MACROD2: variants seen among roughly 807,000 people sequenced by gnomAD.
MACROD2 encodes mono-ADP ribosylhydrolase 2.
In MACROD2, 36 loss-of-function variants were observed where a neutral mutation model predicts 70.4. The observed-to-expected ratio is 0.51, with a 90% confidence interval of 0.39 to 0.68. The LOEUF (loss-of-function observed/expected upper bound fraction) is 0.68. Ranked by LOEUF, MACROD2 falls within the 30% of genes least tolerant of loss-of-function variation. The pLI is 0.00. For synonymous variants in MACROD2, 172 were observed against 178.8 expected (o/e 0.96, Z 0.30); for missense variants, 496 against 538.4 (o/e 0.92, Z 0.78).
At chr20:14,458,709 A>G (rs1247808453) in intron 3 of MACROD2, among the ~76,000 whole-genome samples, 1 of 152,132 alleles carries the variant, frequency 6.6e-6, no homozygotes, top group African/African-American at 2.4e-5. Context: ...ACATACTACT[A>G]AATATAAAAG....
At chr20:14,770,363 A>G (rs996235437) in intron 5 of MACROD2, among the ~76,000 whole-genome samples, 1 of 152,034 alleles carries the variant, frequency 6.6e-6, no homozygotes, top group East Asian at 1.9e-4. Flanking sequence ...ACCATTCTGT[A>G]GGGGGACCAT....
At position 15,057,596 on chromosome 20, in the gene MACROD2, C is replaced by T. The variant is rs189937783; in HGVS notation, c.419-172344C>T. 2.6e-5 allele frequency among the ~76,000 whole-genome samples: 4 copies of T among 152,274 alleles called. No individual in the cohort carries two copies. In the East Asian group the frequency reaches 5.8e-4, roughly 22 times the overall value. On this transcript the variant is annotated intron_variant, in intron 5 of 17. Transcript: ENST00000684519. ...CCCACCTTGCAACCATGACACTAAC[C>T]GTATTGCATTATGTATGTTTATGTA...
At chr20:15,267,474 C>T (rs1023256141) in intron 6 of MACROD2, among the ~76,000 whole-genome samples, 2 of 152,082 alleles carry the variant, frequency 1.3e-5, no homozygotes, top group African/African-American at 2.4e-5. Flanking sequence ...AGCTCAAAAC[C>T]TTTGTCTCCC....
chr20:14,713,763 A>G (rs911123335), intron 5 of MACROD2, among the ~76,000 whole-genome samples: 1 of 152,226 alleles, frequency 6.6e-6, no homozygotes, highest in Non-Finnish European at 1.5e-5. Flanking sequence ...AAAGCTAAAA[A>G]AATTACTATT....
intron 2 of MACROD2, among the ~76,000 whole-genome samples, chr20:14,080,316 G>A (rs1234161584): frequency 1.3e-5 from 2 of 151,562 alleles, no homozygotes; most frequent in South Asian, 4.2e-4. Context: ...GGTGGCAGGC[G>A]CCTGTAGTCC....
In MACROD2 at chr20:14,635,691, T is replaced by G. The variant is rs1007462809; in HGVS notation, c.302-49152T>G. ...GTCAGTGCTTTATTTTGATCAATAC[T>G]GTATTCATGTATGTAACTCTCATAT... is the stretch of plus-strand genomic sequence containing the variant. On this transcript the variant is annotated intron_variant, in intron 4 of 17. Transcript: ENST00000684519. 2.6e-5 allele frequency among the ~76,000 whole-genome samples: 4 copies of G among 152,252 alleles called. 1 individual carries two copies. The highest frequency in any genetic ancestry group is 2.0e-4 in the Admixed American group (3 of 15,280).
chr20:14,122,026 G>T (rs1246712413), intron 3 of MACROD2, among the ~76,000 whole-genome samples: 4 of 152,004 alleles, frequency 2.6e-5, no homozygotes, highest in Non-Finnish European at 5.9e-5. Context: ...CTATATAAAA[G>T]ACATTAAAAC....
intron 5 of MACROD2, among the ~76,000 whole-genome samples, chr20:14,871,833 C>T (rs2073491736): frequency 6.6e-6 from 1 of 151,874 alleles, no homozygotes; most frequent in African/African-American, 2.4e-5. Context: ...AAAAATCTAC[C>T]AAGCAAATGG....
chr20:15,653,605 G>T (rs763807158), intron 8 of MACROD2, among the ~76,000 whole-genome samples: 7 of 152,130 alleles, frequency 4.6e-5, no homozygotes, highest in Non-Finnish European at 7.4e-5. Flanking sequence ...GCCACTTGGA[G>T]CTTCTGCAGT....
rs186242533 is a variant in MACROD2 at position 15,493,010 on chromosome 20, A to G, written c.572-6764A>G. On this transcript the variant is annotated intron_variant, in intron 7 of 17. Transcript: ENST00000684519. The stretch of plus-strand genomic sequence containing the variant: ...GATTTCATAAAATTGCTGGTGTTTT[A>G]TCACAGCTTTGGGCCCCATGCTCGG... Among the ~76,000 whole-genome samples the G allele has an allele frequency of 8.5e-5, 13 of 152,316 alleles. No individual in the cohort carries two copies. The East Asian group carries it at 2.1e-3, about 25-fold the overall frequency.
In MACROD2 at chr20:14,949,192, G is replaced by T. The variant is rs369880512; in HGVS notation, c.418+264233G>T. On this transcript the variant is annotated intron_variant, in intron 5 of 17. Transcript: ENST00000684519. ...AAAATGTTCACTTTAGTTTCAGAAAGATTTTTTTTCTTTGTAGAACAAAAA... is the reference window on the plus strand; with the variant it reads ...AAAATGTTCACTTTAGTTTCAGAAATATTTTTTTTCTTTGTAGAACAAAAA... 3.0e-3 allele frequency among the ~76,000 whole-genome samples: 458 copies of T among 152,118 alleles called. 5 individuals are homozygous for T. Among genetic ancestry groups the T allele is most frequent in the African/African-American group, 0.01 (433 of 41,524 alleles).
intron 6 of MACROD2, among the ~76,000 whole-genome samples, chr20:15,331,261 A>G (rs981329031): frequency 5.9e-5 from 9 of 151,732 alleles, no homozygotes; most frequent in African/African-American, 2.2e-4. Context: ...TGTAATATAA[A>G]GAATTCTTTT....
intron 7 of MACROD2, among the ~76,000 whole-genome samples, chr20:15,453,743 C>A (rs559886315): frequency 1.3e-5 from 2 of 152,218 alleles, no homozygotes; most frequent in South Asian, 4.2e-4. Flanking sequence ...TAAAGAATAC[C>A]GCCCAGAGAA....
intron 3 of MACROD2, among the ~76,000 whole-genome samples, chr20:14,330,441 C>T (rs1179312108): frequency 6.6e-6 from 1 of 152,006 alleles, no homozygotes; most frequent in African/African-American, 2.4e-5. Context: ...CAGTTGCTAT[C>T]TAACATCCAA....
chr20:16,027,191 G>T (rs922975908), intron 15 of MACROD2, among the ~76,000 whole-genome samples: 1 of 152,196 alleles, frequency 6.6e-6, no homozygotes, highest in Non-Finnish European at 1.5e-5. Flanking sequence ...ACCGGAAATG[G>T]AATTAGCTTA....
At chr20:15,342,155 A>G (rs547886486) in intron 6 of MACROD2, among the ~76,000 whole-genome samples, 4 of 152,226 alleles carry the variant, frequency 2.6e-5, no homozygotes, top group Non-Finnish European at 5.9e-5. Context: ...CTATTACATT[A>G]TAATGTAAAT....
At chr20:15,862,358 C>G (rs973013912) in intron 8 of MACROD2, among the ~76,000 whole-genome samples, 1 of 152,162 alleles carries the variant, frequency 6.6e-6, no homozygotes, top group African/African-American at 2.4e-5. Context: ...TGTTTACTGA[C>G]ATACTTTATT....
intron 6 of MACROD2, among the ~76,000 whole-genome samples, chr20:15,273,737 T>C (rs2077366390): frequency 6.6e-6 from 1 of 152,172 alleles, no homozygotes; most frequent in African/African-American, 2.4e-5. Flanking sequence ...TGCTGTGCTT[T>C]CAGGACATAG....
intron 5 of MACROD2, among the ~76,000 whole-genome samples, chr20:14,911,661 C>T (rs995020990): frequency 6.6e-6 from 1 of 152,060 alleles, no homozygotes; most frequent in African/African-American, 2.4e-5. Context: ...ATGTGAGCCA[C>T]CAGACCTGGC....
Sources: gnomAD v4.1 joint callset for allele counts (sites outside exome capture counted in the v4.1 genomes callset) on GRCh38, gnomAD v4.1.1 for gene constraint, MANE v1.5 for transcripts, NCBI Gene and HGNC (gene_info 2026-07-23, HGNC 2026-07-21) for gene names.